LTBP1: variants seen among roughly 807,000 people sequenced by gnomAD.
LTBP1 encodes the protein latent-transforming growth factor beta-binding protein 1.
In LTBP1, 129 loss-of-function variants were observed where a neutral mutation model predicts 207.6. The ratio of observed to expected loss-of-function variants is 0.62; its 90% confidence interval spans 0.54 to 0.72. The LOEUF is 0.72. Ranked by LOEUF, LTBP1 falls within the 30% of genes least tolerant of loss-of-function variation. LTBP1 has a pLI of 0.00. For missense variants in LTBP1, 2,281 were observed against 2,217.2 expected, an observed-to-expected ratio of 1.03 and a Z score of -0.58; for synonymous variants, 963 against 833.7, an observed-to-expected ratio of 1.16 and a Z score of -2.67.
At position 33,240,016 on chromosome 2, in the gene LTBP1, A is replaced by G. The variant is rs545868692; in HGVS notation, c.1877-3646A>G. Among the ~76,000 whole-genome samples, 4 of 152,300 alleles carry G rather than the reference A, an allele frequency of 2.6e-5. No homozygotes were observed. In the South Asian group the frequency reaches 6.2e-4, roughly 24 times the overall value. ...ATAAGCTATTTATAAAATGACAAAT[A>G]TTGTAATCAGGTTTTATTTGATTAA... is the stretch of plus-strand genomic sequence containing the variant. On this transcript the variant is annotated intron_variant, in intron 9 of 33. Coordinates refer to ENST00000404816, the MANE Select transcript of LTBP1 (RefSeq NM_206943.4).
At chr2:33,366,307 A>G (rs1308218352) in intron 31 of LTBP1, among the ~76,000 whole-genome samples, 2 of 152,362 alleles carry the variant, frequency 1.3e-5, no homozygotes, top group African/African-American at 4.8e-5. Context: ...GCAAGTAGAA[A>G]GCAAAGGAGT....
chr2:32,951,008 C>T (rs563544952), intron 2 of LTBP1, among the ~76,000 whole-genome samples: 1 of 152,304 alleles, frequency 6.6e-6, no homozygotes, highest in East Asian at 1.9e-4. Context: ...GCTGGGTTTG[C>T]CCCCTGGTAA....
intron 20 of LTBP1, 22 bp downstream of exon 20, chr2:33,293,304 C>A: frequency 6.3e-7 from 1 of 1,576,952 alleles, no homozygotes; most frequent in South Asian, 1.2e-5. Context: ...GATCAAGTTT[C>A]CCATTTTTAT....
intron 13 of LTBP1, among the ~76,000 whole-genome samples, chr2:33,262,209 C>T (rs564297786): frequency 7.2e-5 from 11 of 152,158 alleles, no homozygotes; most frequent in Admixed American, 6.5e-4. Flanking sequence ...AGTTATCAGA[C>T]GTGAGGTTAA....
intron 26 of LTBP1, among the ~76,000 whole-genome samples, chr2:33,354,352 T>G (rs2094825472): frequency 6.6e-6 from 1 of 152,070 alleles, no homozygotes; most frequent in Non-Finnish European, 1.5e-5. Context: ...TTAAAGAAAG[T>G]AAGACCACAG....
At chr2:33,302,649 C>T (rs188509486) in intron 22 of LTBP1, among the ~76,000 whole-genome samples, 139 of 152,178 alleles carry the variant, frequency 9.1e-4, no homozygotes, top group Non-Finnish European at 1.3e-3. Context: ...ATTTTGGCAG[C>T]GTTTTAAAGG....
rs1287979500 is a variant in LTBP1 at position 33,378,197 on chromosome 2, G to A, written c.4712-10987G>A. Among the ~76,000 whole-genome samples, 3 of 149,318 alleles carry A rather than the reference G, an allele frequency of 2.0e-5. 1 individual carries two copies. Among genetic ancestry groups the A allele is most frequent in the Non-Finnish European group, 4.4e-5 (3 of 67,500 alleles). On this transcript the variant is annotated intron_variant, in intron 31 of 33. Coordinates refer to ENST00000404816, the MANE Select transcript of LTBP1 (RefSeq NM_206943.4). The stretch of plus-strand genomic sequence containing the variant: ...CATATATATATATATGTGTGTGTGT[G>A]TGTGTGTGTGTGTGTGTGTGTGTGT...
chr2:33,360,151 A>T (rs1047798412), intron 26 of LTBP1, among the ~76,000 whole-genome samples: 5 of 152,248 alleles, frequency 3.3e-5, no homozygotes, highest in African/African-American at 1.2e-4. Context: ...TTCAGAAAAG[A>T]TTGGGAGCAT....
chr2:33,185,874 C>T (rs1433504877), intron 5 of LTBP1, among the ~76,000 whole-genome samples: 1 of 152,072 alleles, frequency 6.6e-6, no homozygotes, highest in African/African-American at 2.4e-5. Context: ...AGGGTAGAAG[C>T]TGGAAGGAAA....
At chr2:33,039,654 A>G (rs183923381) in intron 3 of LTBP1, among the ~76,000 whole-genome samples, 1 of 152,310 alleles carries the variant, frequency 6.6e-6, no homozygotes, top group East Asian at 1.9e-4. Flanking sequence ...TTGAGAAATT[A>G]TATGTTGTGT....
chr2:33,249,165 A>C (rs927159237), intron 10 of LTBP1, among the ~76,000 whole-genome samples: 12 of 152,180 alleles, frequency 7.9e-5, no homozygotes, highest in Admixed American at 3.3e-4. Flanking sequence ...AATCCTCCCT[A>C]CTTTTCAACT....
rs569728902 is a variant in LTBP1 at position 32,968,048 on chromosome 2, A to G, written c.565+19103A>G. Among the ~76,000 whole-genome samples, 19 of 152,112 alleles carry G rather than the reference A, an allele frequency of 1.2e-4. 1 individual carries two copies. In the South Asian group the frequency reaches 3.7e-3, roughly 30 times the overall value. On this transcript the variant is annotated intron_variant, in intron 2 of 33. Coordinates refer to ENST00000404816, the MANE Select transcript of LTBP1 (RefSeq NM_206943.4). ...AGTGGTGCAATCTCTACTCACTGCAACCTCTGTCTCCTGGTTTCAGGTGAT... is the reference window on the plus strand; with the variant it reads ...AGTGGTGCAATCTCTACTCACTGCAGCCTCTGTCTCCTGGTTTCAGGTGAT...
intron 4 of LTBP1, among the ~76,000 whole-genome samples, chr2:33,118,201 A>C (rs1032999256): frequency 2.4e-4 from 36 of 150,684 alleles, no homozygotes; most frequent in African/African-American, 7.6e-4. Flanking sequence ...AAAAAAAAAA[A>C]AACAAAAAAA....
At chr2:33,302,548 A>T (rs577818967) in intron 22 of LTBP1, among the ~76,000 whole-genome samples, 18 of 152,270 alleles carry the variant, frequency 1.2e-4, no homozygotes, top group African/African-American at 4.1e-4. Flanking sequence ...TACATTTCTG[A>T]CCAGAGAACT....
Position 33,083,415 on chromosome 2 carries a change from G to A in LTBP1, c.864-27167G>A, listed in dbSNP as rs2078557455. Among the ~76,000 whole-genome samples the A allele has an allele frequency of 2.0e-5, 3 of 152,112 alleles. No individual in the cohort carries two copies. In the South Asian group the frequency reaches 6.2e-4, roughly 32 times the overall value. On this transcript the variant is annotated intron_variant, in intron 3 of 33. Coordinates refer to ENST00000404816, the MANE Select transcript of LTBP1 (RefSeq NM_206943.4). ...GGCGGGTCTTAGACATCAAAATTGAGGAGTCCAGGCTTCACTGGGAAGGTA... is the reference window on the plus strand; with the variant it reads ...GGCGGGTCTTAGACATCAAAATTGAAGAGTCCAGGCTTCACTGGGAAGGTA...
intron 1 of LTBP1, among the ~76,000 whole-genome samples, chr2:32,948,464 T>C (rs935010253): frequency 2.0e-5 from 3 of 152,226 alleles, no homozygotes; most frequent in South Asian, 2.1e-4. Context: ...TTAGTTGGCA[T>C]GTTTTTTTCA....
chr2:32,982,562 A>G (rs1411339881), intron 2 of LTBP1, among the ~76,000 whole-genome samples: 1 of 152,148 alleles, frequency 6.6e-6, no homozygotes, highest in African/African-American at 2.4e-5. Context: ...AGAGACTTTC[A>G]TGGCAGCTCC....
At position 33,133,937 on chromosome 2, in the gene LTBP1, A is replaced by G. The variant is rs376201015; in HGVS notation, c.1034-856A>G. 1.4e-4 allele frequency among the ~76,000 whole-genome samples: 21 copies of G among 152,278 alleles called. 1 individual carries two copies. The South Asian group carries it at 1.9e-3, about 14-fold the overall frequency. ...AGTCTAGGGCTTATTTTGTGATACC[A>G]CATAGCCTCGGCTGTGTGGTCAGGT... On this transcript the variant is annotated intron_variant, in intron 4 of 33. Transcript: ENST00000404816.
chr2:33,212,963 C>T (rs990363425), intron 7 of LTBP1, among the ~76,000 whole-genome samples: 1 of 152,214 alleles, frequency 6.6e-6, no homozygotes, highest in Non-Finnish European at 1.5e-5. Context: ...GGACCTTCAT[C>T]GTGCAACAGG....
Sources: allele counts gnomAD v4.1 joint callset (sites outside exome capture counted in the v4.1 genomes callset), GRCh38; gene constraint gnomAD v4.1.1; transcripts MANE v1.5; gene names NCBI Gene and HGNC (gene_info 2026-07-23, HGNC 2026-07-21).